MYO1F: variants seen among roughly 807,000 people sequenced by gnomAD.
MYO1F encodes the protein myosin IF.
Under a neutral mutation model 146.6 loss-of-function variants are expected in MYO1F, and 60 were observed. The observed-to-expected ratio is 0.41, with a 90% CI of 0.33 to 0.51. The LOEUF (loss-of-function observed/expected upper bound fraction) is 0.51, where lower values mean the gene tolerates loss of function less well. MYO1F is among the 20% of genes least tolerant of loss of function. The pLI is 0.25. For missense variants in MYO1F, 1,274 were observed against 1,534.3 expected (o/e 0.83, Z 2.83); for synonymous variants, 602 against 602.1 (o/e 1.00, Z 0.00).
chr19:8,562,635 A>G (rs1974191489), intron 1 of MYO1F, among the ~76,000 whole-genome samples: 1 of 151,792 alleles, frequency 6.6e-6, no homozygotes, highest in South Asian at 2.1e-4. Flanking sequence ...TCCAGGCTCA[A>G]GTGATCCTCC....
At chr19:8,554,789 C>T (rs1433208841) in intron 2 of MYO1F, 46 bp from the exon 3 acceptor site, 2 of 1,561,102 alleles carry the variant, frequency 1.3e-6, no homozygotes, top group Non-Finnish European at 1.8e-6. Context: ...AGGTTTTGTC[C>T]TCCCTGTCCC....
chr19:8,568,075 A>C (rs900799818), intron 1 of MYO1F, among the ~76,000 whole-genome samples: 1 of 151,458 alleles, frequency 6.6e-6, no homozygotes, highest in African/African-American at 2.4e-5. Flanking sequence ...CTCCCTCTCT[A>C]TCCTGCCCCA....
intron 1 of MYO1F, among the ~76,000 whole-genome samples, chr19:8,571,528 C>T (rs2042108047): frequency 6.6e-6 from 1 of 152,054 alleles, no homozygotes; most frequent in Non-Finnish European, 1.5e-5. Context: ...GATTCTCCTG[C>T]CTCAGCCTCC....
At chr19:8,540,974 T>C (rs1026426767) in intron 15 of MYO1F, among the ~76,000 whole-genome samples, 9 of 151,860 alleles carry the variant, frequency 5.9e-5, no homozygotes, top group Admixed American at 2.6e-4. Context: ...AGGTCTGGGG[T>C]GGAGTTTGAG....
Position 8,539,992 on chromosome 19 carries a change from A to C in MYO1F, c.1647T>G (p.Asp549Glu). The C allele has an allele frequency of 1.2e-6, 2 of 1,611,188 alleles. No homozygotes were observed. Among genetic ancestry groups the C allele is most frequent in the East Asian group, 4.5e-5 (2 of 44,796 alleles). Residue 549 changes from aspartate (D) to glutamate (E), a missense_variant, in exon 16 of 28, where the codon GAT becomes GAG. By Grantham distance (45) the Asp-to-Glu change is conservative. Transcript: ENST00000644032. ...TGCTGGGGCGCCCCTTCTTGTCTCC[A>C]TCCAGCTTCTCGGGGAAGAGCATCC... ...FLRMLFPEKL[D>E]GDKKGRPSTA...
chr19:8,575,381 T>G (rs2042221582), intron 1 of MYO1F, among the ~76,000 whole-genome samples: 1 of 151,900 alleles, frequency 6.6e-6, no homozygotes. Context: ...GGCCGGGCAT[T>G]AGATTGTCAT....
At chr19:8,522,115 C>T (rs966871030) in intron 27 of MYO1F, among the ~76,000 whole-genome samples, 5 of 151,304 alleles carry the variant, frequency 3.3e-5, no homozygotes, top group Middle Eastern at 3.4e-3. Context: ...CTCCGCCTCC[C>T]GGGTTCATGC....
At chr19:8,529,955 A>ATCTGGCT in intron 21 of MYO1F, 1 of 626,806 alleles carries the variant, frequency 1.6e-6, no homozygotes. Flanking sequence ...GCTGGGGGAT[A>ATCTGGCT]GATACCTATG....
At chr19:8,523,035 C>CT (rs34428318) in intron 25 of MYO1F, among the ~76,000 whole-genome samples, 24 of 142,908 alleles carry the variant, frequency 1.7e-4, no homozygotes, top group East Asian at 6.1e-4. Context: ...TTATTTTTTA[C>CT]TTTTTTTTTT....
At chr19:8,549,063 G>A (rs111295514) in intron 10 of MYO1F, among the ~76,000 whole-genome samples, 7,806 of 151,600 alleles carry the variant, frequency 0.051, 475 homozygotes, top group African/African-American at 0.15. Context: ...AGATTCTTCT[G>A]CCTCAGCCTC....
chr19:8,533,065 A>AT (rs950919477), intron 19 of MYO1F, among the ~76,000 whole-genome samples: 2 of 151,220 alleles, frequency 1.3e-5, no homozygotes, highest in Non-Finnish European at 1.5e-5. Flanking sequence ...AATAGTTTTA[A>AT]TTTTTTCAGA....
intron 16 of MYO1F, among the ~76,000 whole-genome samples, chr19:8,539,573 G>A (rs1029610876): frequency 4.6e-4 from 69 of 150,562 alleles, no homozygotes; most frequent in South Asian, 4.2e-4. Flanking sequence ...TCCATCCTGG[G>A]TGACAGAGCA....
intron 10 of MYO1F, chr19:8,549,367 G>A (rs1340498686): frequency 1.3e-5 from 2 of 149,828 alleles, no homozygotes; most frequent in Non-Finnish European, 3.0e-5. Context: ...AACCTCCTGG[G>A]GTCAGGGATT....
intron 6 of MYO1F, among the ~76,000 whole-genome samples, chr19:8,552,407 C>A (rs904712829): frequency 6.6e-6 from 1 of 152,022 alleles, no homozygotes; most frequent in Admixed American, 6.6e-5. Context: ...TACAGGCACC[C>A]GCCACCATGC....
intron 1 of MYO1F, among the ~76,000 whole-genome samples, chr19:8,575,322 G>A (rs981575946): frequency 2.6e-5 from 4 of 151,486 alleles, no homozygotes; most frequent in Non-Finnish European, 5.9e-5. Flanking sequence ...TGATCTGCCC[G>A]CCTCGGCCTC....
chr19:8,544,044 G>GTGGTGGCGGTGC (rs1973222415), intron 14 of MYO1F: 1 of 446,896 alleles, frequency 2.2e-6, no homozygotes, highest in African/African-American at 2.1e-5. Flanking sequence ...GGCGGTGCTG[G>GTGGTGGCGGTGC]TGGTGGTGGT....
At chr19:8,559,449 G>T (rs181821005) in intron 1 of MYO1F, among the ~76,000 whole-genome samples, 95 of 151,470 alleles carry the variant, frequency 6.3e-4, no homozygotes, top group African/African-American at 2.2e-3. Flanking sequence ...TTGGCATAAG[G>T]GTAGATCTGG....
At chr19:8,526,412 G>A in intron 24 of MYO1F, 41 bp downstream of exon 24, 1 of 1,546,936 alleles carries the variant, frequency 6.5e-7, no homozygotes, top group South Asian at 1.2e-5. Context: ...AACCAGCCTC[G>A]CTGGCCCCGC....
At chr19:8,542,342 G>A (rs1973014817) in intron 14 of MYO1F, among the ~76,000 whole-genome samples, 1 of 134,640 alleles carries the variant, frequency 7.4e-6, no homozygotes, top group Non-Finnish European at 1.6e-5. Flanking sequence ...TGGTGGGTGG[G>A]GGGCTGCAGC....
Sources: gnomAD v4.1 joint callset for allele counts (sites outside exome capture counted in the v4.1 genomes callset) on GRCh38, gnomAD v4.1.1 for gene constraint, MANE v1.5 for transcripts, NCBI Gene and HGNC (gene_info 2026-07-23, HGNC 2026-07-21) for gene names.